Variants in FERMT1 observed in about 807,000 individuals in gnomAD.
The protein encoded by FERMT1 is fermitin family homolog 1.
A neutral mutation model predicts 85.3 loss-of-function variants in FERMT1; 60 were observed. That is an observed-to-expected ratio of 0.70 (90% CI 0.57 to 0.87). The LOEUF is 0.87. Ranked by LOEUF, FERMT1 falls within the 40% of genes least tolerant of loss-of-function variation. The pLI, the probability that FERMT1 is intolerant of heterozygous loss-of-function variation, is 0.00. For synonymous variants in FERMT1, 275 were observed against 301.1 expected, an observed-to-expected ratio of 0.91 and a Z score of 0.90; for missense variants, 701 against 818.9, an observed-to-expected ratio of 0.86 and a Z score of 1.76.
At position 6,077,049 on chromosome 20, in the gene FERMT1, G is replaced by T; in HGVS notation, c.*124C>A. ...AGTGGGTTTGAATGAGGATCTGGGT[G>T]ACCAGCGGTGAATGTATGTTGTCTG... On this transcript the variant is annotated 3_prime_UTR_variant, in exon 15 of 15. Coordinates refer to ENST00000217289, the MANE Select transcript of FERMT1 (RefSeq NM_017671.5). 1.0e-6 allele frequency: 1 copy of T among 971,218 alleles called. No individual in the cohort carries two copies. Among genetic ancestry groups the T allele is most frequent in the Non-Finnish European group, 1.7e-6 (1 of 605,532 alleles). 60.2% of individuals were successfully genotyped at this position (971,218 alleles called of 1,614,324 possible).
rs1193151177 is a variant in FERMT1, at chr20:6,074,894, A to G, written c.*2279T>C. The G allele has an allele frequency of 6.6e-6, 1 of 152,348 alleles. No individual in the cohort carries two copies. The highest frequency in any genetic ancestry group is 1.5e-5 in the Non-Finnish European group (1 of 68,042). The allele number at this position is 152,348 out of a possible 1,614,324, so 9.4% of individuals were successfully genotyped here. ...TAAAAGTCATATAAAAGAATAAAAA[A>G]TGCAGATTTCTGAATCAACTGTAGA... On this transcript the variant is annotated 3_prime_UTR_variant, in exon 15 of 15. Coordinates refer to ENST00000217289, the MANE Select transcript of FERMT1 (RefSeq NM_017671.5).
In FERMT1 at chr20:6,117,580, C is replaced by T. The variant is rs144126610; in HGVS notation, c.152-1536G>A. Among the ~76,000 whole-genome samples the T allele has an allele frequency of 1.0e-3, 158 of 152,270 alleles. 1 individual carries two copies. In the East Asian group the frequency reaches 0.029, roughly 28 times the overall value. ...TCCTGAGTAGCTGGGATTGTAGGCA[C>T]GCACCACCATGCCCAGCTAATTTTT... On this transcript the variant is annotated intron_variant, in intron 2 of 14. Coordinates refer to ENST00000217289, the MANE Select transcript of FERMT1 (RefSeq NM_017671.5).
intron 13 of FERMT1, among the ~76,000 whole-genome samples, chr20:6,081,465 C>A (rs907454831): frequency 6.6e-6 from 1 of 151,954 alleles, no homozygotes. Context: ...TCAAATGCTG[C>A]GGAGAGGGTA....
intron 8 of FERMT1, among the ~76,000 whole-genome samples, chr20:6,096,409 C>T (rs1171890067): frequency 6.6e-6 from 1 of 152,142 alleles, no homozygotes; most frequent in Non-Finnish European, 1.5e-5. Flanking sequence ...TCTGTAGTCC[C>T]AGCTACTCCG....
Position 6,090,283 on chromosome 20 carries a change from C to T in FERMT1, c.1140-1194G>A, listed in dbSNP as rs1028022550. On this transcript the variant is annotated intron_variant, in intron 9 of 14. Coordinates refer to ENST00000217289, the MANE Select transcript of FERMT1 (RefSeq NM_017671.5). ...AGAGATGGGGTTTCACTATGTTGGC[C>T]AGGATGGTCTCGATCTCCTGACCTT... Among the ~76,000 whole-genome samples, 5 of 151,988 alleles carry T rather than the reference C, an allele frequency of 3.3e-5. No homozygotes were observed. In the South Asian group the frequency reaches 6.2e-4, roughly 19 times the overall value.
chr20:6,077,448 G>T, intron 14 of FERMT1, 102 bp from the exon 15 acceptor site: 1 of 1,056,154 alleles, frequency 9.5e-7, no homozygotes, highest in Non-Finnish European at 1.4e-6. Flanking sequence ...TGCTGAGGTG[G>T]ATAACAGATG....
intron 1 of FERMT1, chr20:6,120,322 A>G (rs1983238146): frequency 6.6e-6 from 1 of 152,246 alleles, no homozygotes. Flanking sequence ...CACCAATTAA[A>G]AATTTGGATA....
At chr20:6,088,355 A>C (rs569921123) in intron 10 of FERMT1, among the ~76,000 whole-genome samples, 1 of 152,372 alleles carries the variant, frequency 6.6e-6, no homozygotes, top group South Asian at 2.1e-4. Flanking sequence ...TCTGGAATAC[A>C]GAAAACTTTT....
chr20:6,107,278 G>C (rs1432648686), intron 6 of FERMT1, among the ~76,000 whole-genome samples: 1 of 152,098 alleles, frequency 6.6e-6, no homozygotes, highest in African/African-American at 2.4e-5. Flanking sequence ...CAAATGGAGG[G>C]GGGCAGTGCA....
chr20:6,090,610 C>A (rs1224466381), intron 9 of FERMT1, among the ~76,000 whole-genome samples: 3 of 151,972 alleles, frequency 2.0e-5, no homozygotes, highest in Non-Finnish European at 4.4e-5. Flanking sequence ...AAAAATTAGC[C>A]AGGCGTGGTG....
chr20:6,087,025 T>C (rs907537384), intron 11 of FERMT1, among the ~76,000 whole-genome samples: 8 of 152,156 alleles, frequency 5.3e-5, no homozygotes, highest in African/African-American at 1.9e-4. Context: ...CTCAGTCATG[T>C]CTTCTGCTTT....
chr20:6,080,002 A>C (rs1981948371), intron 13 of FERMT1, among the ~76,000 whole-genome samples: 2 of 152,188 alleles, frequency 1.3e-5, no homozygotes, highest in African/African-American at 4.8e-5. Flanking sequence ...GAAGGGCTAC[A>C]GGGAATACTG....
chr20:6,108,047 G>A, intron 5 of FERMT1, among the ~76,000 whole-genome samples: 1 of 152,200 alleles, frequency 6.6e-6, no homozygotes, highest in Middle Eastern at 3.2e-3. Flanking sequence ...TTTATTTTCA[G>A]TAGAGAGGGG....
intron 13 of FERMT1, among the ~76,000 whole-genome samples, chr20:6,083,290 G>A (rs1265349218): frequency 6.6e-6 from 1 of 152,336 alleles, no homozygotes; most frequent in East Asian, 1.9e-4. Context: ...TTTATGCCAA[G>A]TGTGCCCTGG....
At chr20:6,084,209 C>T (rs1396887885) in intron 12 of FERMT1, 45 bp from the exon 13 acceptor site, 1 of 1,579,974 alleles carries the variant, frequency 6.3e-7, no homozygotes, top group East Asian at 2.3e-5. Flanking sequence ...GCACCGGCTG[C>T]TCTGTGATCA....
chr20:6,091,051 C>G (rs555251296), intron 9 of FERMT1, among the ~76,000 whole-genome samples: 1 of 151,732 alleles, frequency 6.6e-6, no homozygotes. Flanking sequence ...GTAGTCCCAG[C>G]TACCCGGAGG....
rs188286476 is a variant in FERMT1, at chr20:6,104,101, C to G, written c.849+3431G>C. On this transcript the variant is annotated intron_variant, in intron 6 of 14. Transcript: ENST00000217289. The surrounding 1 kb of genome is among the most constrained non-coding windows in gnomAD (Gnocchi z 4.2). Reference sequence around the variant, plus strand: ...GGCCAGGCTAGTCTCGAACTTCTAACCTCAGGCGATCCACCCGCCTCAGCC... The same window carrying G: ...GGCCAGGCTAGTCTCGAACTTCTAAGCTCAGGCGATCCACCCGCCTCAGCC... 2.3e-3 allele frequency among the ~76,000 whole-genome samples: 348 copies of G among 152,208 alleles called. 1 individual carries two copies. The highest frequency in any genetic ancestry group is 0.014 in the Middle Eastern group (4 of 294).
chr20:6,077,114 T>C lies in FERMT1; in HGVS notation c.*59A>G, dbSNP rs191481526. 5.5e-4 allele frequency: 865 copies of C among 1,579,832 alleles called. No homozygotes were observed. The highest frequency in any genetic ancestry group is 6.9e-4 in the Non-Finnish European group (791 of 1,150,456). On this transcript the variant is annotated 3_prime_UTR_variant, in exon 15 of 15. Coordinates refer to ENST00000217289, the MANE Select transcript of FERMT1 (RefSeq NM_017671.5). ...ACATGCTGGGCACGTTAGGGATCCC[T>C]CTGGGGAGGGGCGCCTTTGGCTTGC...
chr20:6,090,697 C>A (rs978134914), intron 9 of FERMT1, among the ~76,000 whole-genome samples: 7 of 151,850 alleles, frequency 4.6e-5, no homozygotes, highest in African/African-American at 1.7e-4. Flanking sequence ...TATGATCACC[C>A]TGGGTGACAG....
Sources: allele counts gnomAD v4.1 joint callset (sites outside exome capture counted in the v4.1 genomes callset), GRCh38; gene constraint gnomAD v4.1.1; non-coding constraint Gnocchi (gnomAD v3.1); transcripts MANE v1.5; gene names NCBI Gene and HGNC (gene_info 2026-07-23, HGNC 2026-07-21).